Variants in CIB1 observed in about 807,000 individuals in gnomAD.
The protein encoded by CIB1 is calcium and integrin binding 1.
CIB1 carries 19 observed loss-of-function variants against 25.0 expected under a neutral mutation model. The observed-to-expected ratio is 0.76, with a 90% CI of 0.53 to 1.12. The LOEUF is 1.12. Among genes scored for constraint, CIB1 ranks in the 50% most tolerant of loss-of-function variants. The pLI, the probability that CIB1 is intolerant of heterozygous loss-of-function variation, is 0.00. For synonymous variants in CIB1, 104 were observed against 98.5 expected (o/e 1.06, Z -0.33); for missense variants, 236 against 242.6 (o/e 0.97, Z 0.18).
chr15:90,255,806 G>T, the CIB1 span: 2 of 1,614,144 alleles, frequency 1.2e-6, no homozygotes, highest in African/African-American at 2.7e-5. Flanking sequence ...AGATCTGCTG[G>T]CTCGGAACCT....
At position 90,230,112 on chromosome 15, in the gene CIB1, G is replaced by A. The variant is rs987664117; in HGVS notation, c.*372C>T. 2.4e-5 allele frequency: 7 copies of A among 295,908 alleles called. No individual in the cohort carries two copies. The highest frequency in any genetic ancestry group is 8.8e-5 in the African/African-American group (4 of 45,578). 18.3% of individuals were successfully genotyped at this position (295,908 alleles called of 1,614,324 possible). A position where few individuals can be genotyped will look rare whatever the true frequency, so the allele number is the denominator to read the frequency against. ...CCCTTCATCCTCACACCCTCCCACGGGGACAGCCAGCGTGGGTGCGGCTTG... is the reference window on the plus strand; with the variant it reads ...CCCTTCATCCTCACACCCTCCCACGAGGACAGCCAGCGTGGGTGCGGCTTG... On this transcript the variant is annotated 3_prime_UTR_variant, in exon 7 of 7. Coordinates refer to ENST00000328649, the MANE Select transcript of CIB1 (RefSeq NM_006384.4).
chr15:90,256,420 C>T, the CIB1 span: 6 of 1,217,916 alleles, frequency 4.9e-6, no homozygotes, highest in Admixed American at 7.1e-5. Flanking sequence ...CCCCGTTTTC[C>T]TGGAGGCAGT....
the CIB1 span, chr15:90,262,501 AGAG>A: frequency 6.7e-7 from 1 of 1,497,392 alleles, no homozygotes; most frequent in Non-Finnish European, 8.8e-7. Context: ...GGCAGCAACT[AGAG>A]GAGATCCGCC....
chr15:90,256,200 C>CA, the CIB1 span: 3 of 1,614,184 alleles, frequency 1.9e-6, no homozygotes, highest in Non-Finnish European at 2.5e-6. Context: ...ATCTGCAAGC[C>CA]AGACAGTGGC....
At chr15:90,230,881 G>T in intron 6 of CIB1, 53 bp downstream of exon 6, 1 of 1,442,546 alleles carries the variant, frequency 6.9e-7, no homozygotes, top group Non-Finnish European at 9.8e-7. Context: ...AGGCCCAGAG[G>T]CAGCAGGTCG....
intron 2 of CIB1, among the ~76,000 whole-genome samples, chr15:90,232,922 G>T (rs9745131): frequency 0.52 from 77,230 of 149,626 alleles, 20,330 homozygotes; most frequent in East Asian, 0.81. Flanking sequence ...AGAGCGAGAC[G>T]CTGTCTCAAA....
At chr15:90,249,214 CAAAAAAAAAAAAAAAA>C in the CIB1 span, among the ~76,000 whole-genome samples, 1 of 88,228 alleles carries the variant, frequency 1.1e-5, no homozygotes, top group African/African-American at 4.9e-5. Context: ...GACCCCGTCT[CAAAAAAAAAAAAAAAA>C]AAAAAAAGGG....
upstream of CIB1, chr15:90,234,157 T>C: frequency 6.0e-6 from 1 of 167,066 alleles, no homozygotes; most frequent in Non-Finnish European, 1.0e-5. Context: ...CGGCCCCGCC[T>C]CCGGGGTGGG....
the CIB1 span, chr15:90,244,847 T>TATA: frequency 6.6e-6 from 1 of 152,076 alleles, no homozygotes; most frequent in South Asian, 2.1e-4. Flanking sequence ...AAGTCTTGGG[T>TATA]CCAGCTCTCA....
chr15:90,241,919 G>C, the CIB1 span: 1 of 1,614,108 alleles, frequency 6.2e-7, no homozygotes, highest in South Asian at 1.1e-5. Flanking sequence ...AGCTGGCTGG[G>C]CACCTCCCTG....
chr15:90,250,819 G>A, the CIB1 span: 1 of 1,613,538 alleles, frequency 6.2e-7, no homozygotes, highest in Non-Finnish European at 8.5e-7. Flanking sequence ...AAATTCCGAA[G>A]AAAGTCATAG....
At chr15:90,250,703 GT>G in the CIB1 span, 3 of 1,614,176 alleles carry the variant, frequency 1.9e-6, no homozygotes, top group Admixed American at 5.0e-5. Context: ...TGAGAAGTGT[GT>G]TAAAGAGGGA....
upstream of CIB1, among the ~76,000 whole-genome samples, chr15:90,237,713 C>CT (rs770651390): frequency 1.3e-4 from 20 of 151,394 alleles, no homozygotes; most frequent in African/African-American, 4.6e-4. Flanking sequence ...TTTTTTTCTC[C>CT]TTTTTTTGGT....
the CIB1 span, among the ~76,000 whole-genome samples, chr15:90,260,304 C>T: frequency 9.8e-4 from 148 of 151,540 alleles, no homozygotes; most frequent in Non-Finnish European, 1.4e-3. Context: ...TTGAGACCAG[C>T]CTGGGCAACA....
chr15:90,237,632 C>T (rs556771159), upstream of CIB1, among the ~76,000 whole-genome samples: 4 of 152,198 alleles, frequency 2.6e-5, no homozygotes, highest in South Asian at 4.2e-4. Context: ...TGATTAATGA[C>T]GTTAAACATC....
chr15:90,262,481 T>C, the CIB1 span: 5 of 1,471,304 alleles, frequency 3.4e-6, no homozygotes, highest in Non-Finnish European at 4.5e-6. Context: ...GAAGCTGCTG[T>C]GTCTTGTCAG....
chr15:90,258,750 A>T, the CIB1 span: 1 of 1,613,858 alleles, frequency 6.2e-7, no homozygotes, highest in Non-Finnish European at 8.5e-7. Context: ...CAGGTAAACC[A>T]CTCTCCAAGC....
the CIB1 span, chr15:90,250,975 A>C: frequency 1.5e-4 from 221 of 1,500,916 alleles, no homozygotes; most frequent in Middle Eastern, 2.5e-4. Flanking sequence ...CTGGGATCTC[A>C]GATCTTCCCT....
chr15:90,237,101 G>A (rs1290975523), upstream of CIB1, among the ~76,000 whole-genome samples: 1 of 151,626 alleles, frequency 6.6e-6, no homozygotes, highest in Non-Finnish European at 1.5e-5. Flanking sequence ...TGAGATTACA[G>A]ACGCCCACTA....
Sources: allele counts gnomAD v4.1 joint callset (sites outside exome capture counted in the v4.1 genomes callset), GRCh38; gene constraint gnomAD v4.1.1; transcripts MANE v1.5; gene names NCBI Gene and HGNC (gene_info 2026-07-23, HGNC 2026-07-21).